PTPRD: variants seen among roughly 807,000 people sequenced by gnomAD.
PTPRD encodes the protein receptor-type tyrosine-protein phosphatase delta.
Under a neutral mutation model 214.5 loss-of-function variants are expected in PTPRD, and 34 were observed. That is an observed-to-expected ratio of 0.16 (90% CI 0.12 to 0.21). PTPRD has a LOEUF of 0.21. PTPRD is among the 10% of genes least tolerant of loss of function. PTPRD has a pLI of 1.00. For missense variants in PTPRD, 2,545 were observed against 2,398.7 expected (o/e 1.06, Z -1.27); for synonymous variants, 1,128 against 845.7 (o/e 1.33, Z -5.79).
At chr9:9,211,527 A>T (rs1001602497) in intron 9 of PTPRD, among the ~76,000 whole-genome samples, 1 of 108,648 alleles carries the variant, frequency 9.2e-6, no homozygotes, top group African/African-American at 2.9e-5. Context: ...ACACACACAC[A>T]CACACACACA....
chr9:8,775,742 G>C (rs928029316), intron 11 of PTPRD, among the ~76,000 whole-genome samples: 2 of 152,064 alleles, frequency 1.3e-5, no homozygotes, highest in African/African-American at 2.4e-5. Context: ...CCAGCACTTT[G>C]GGAGGCCAAG....
intron 35 of PTPRD, among the ~76,000 whole-genome samples, chr9:8,428,998 C>T (rs554920230): frequency 6.6e-6 from 1 of 152,268 alleles, no homozygotes; most frequent in African/African-American, 2.4e-5. Flanking sequence ...CGGAGAAATA[C>T]AATGTTTACT....
rs1555548856 is a variant in PTPRD at position 10,574,832 on chromosome 9, A to ATC, written c.-600+37564_-600+37565dup. ...TGTGTGCATATATATATATATATATATCTTAGATTCTCTTTCTTCCCCCCA... is the reference window on the plus strand; with the variant it reads ...TGTGTGCATATATATATATATATATATCTCTTAGATTCTCTTTCTTCCCCCCA... On this transcript the variant is annotated intron_variant, in intron 2 of 45. Coordinates refer to ENST00000381196, the MANE Select transcript of PTPRD (RefSeq NM_002839.4). 2.9e-3 allele frequency among the ~76,000 whole-genome samples: 427 copies of ATC among 148,718 alleles called. 1 individual carries two copies. Among genetic ancestry groups the ATC allele is most frequent in the African/African-American group, 9.1e-3 (368 of 40,390 alleles).
chr9:10,210,660 T>C (rs1454906637), intron 3 of PTPRD, among the ~76,000 whole-genome samples: 2 of 149,912 alleles, frequency 1.3e-5, no homozygotes, highest in Non-Finnish European at 3.0e-5. Flanking sequence ...TACACACATA[T>C]GTTTATATAT....
chr9:9,824,609 G>C (rs2052028686), intron 5 of PTPRD, among the ~76,000 whole-genome samples: 1 of 151,928 alleles, frequency 6.6e-6, no homozygotes, highest in African/African-American at 2.4e-5. Flanking sequence ...ATGAGACCTA[G>C]TCTTTCTTAC....
At chr9:9,500,880 T>C (rs180684014) in intron 8 of PTPRD, among the ~76,000 whole-genome samples, 1 of 152,170 alleles carries the variant, frequency 6.6e-6, no homozygotes, top group East Asian at 1.9e-4. Flanking sequence ...TAAATGGACT[T>C]ATTACTGTTT....
intron 10 of PTPRD, among the ~76,000 whole-genome samples, chr9:9,179,052 T>C (rs759009500): frequency 1.4e-4 from 22 of 152,076 alleles, no homozygotes; most frequent in Non-Finnish European, 2.5e-4. Context: ...AGTTAGAAGA[T>C]CTGGTTTATG....
chr9:10,154,033 G>A (rs576465642), intron 3 of PTPRD, among the ~76,000 whole-genome samples: 6 of 151,408 alleles, frequency 4.0e-5, no homozygotes, highest in African/African-American at 1.4e-4. Flanking sequence ...TGGTAGTTCT[G>A]TTTTGAGAAA....
rs903753297 is a variant in PTPRD, at chr9:8,867,216, T to C, written c.-103-133270A>G. Reference sequence around the variant, plus strand: ...TCCTTCTTTCTTCCTTCTCTCCTTTTGTTCTCCTCCCTTTCTTTCCTTCTC... The same window carrying C: ...TCCTTCTTTCTTCCTTCTCTCCTTTCGTTCTCCTCCCTTTCTTTCCTTCTC... On this transcript the variant is annotated intron_variant, in intron 11 of 45. Coordinates refer to ENST00000381196, the MANE Select transcript of PTPRD (RefSeq NM_002839.4). 2.0e-5 allele frequency among the ~76,000 whole-genome samples: 3 copies of C among 152,302 alleles called. No homozygotes were observed. The Middle Eastern group carries it at 0.01, about 518-fold the overall frequency.
intron 9 of PTPRD, among the ~76,000 whole-genome samples, chr9:9,310,161 C>T (rs1274061575): frequency 1.3e-5 from 2 of 152,082 alleles, no homozygotes; most frequent in Non-Finnish European, 2.9e-5. Flanking sequence ...TAGGTCGTTA[C>T]TGTTTTGGAT....
chr9:8,661,066 A>T (rs1202082042), intron 12 of PTPRD, among the ~76,000 whole-genome samples: 1 of 152,074 alleles, frequency 6.6e-6, no homozygotes, highest in Admixed American at 6.6e-5. Flanking sequence ...TCTCAAAATC[A>T]GACATTTTTC....
chr9:10,078,335 A>G, intron 3 of PTPRD, among the ~76,000 whole-genome samples: 1 of 132,452 alleles, frequency 7.5e-6, no homozygotes, highest in East Asian at 2.3e-4. Flanking sequence ...ACATGGTGAA[A>G]CCCCATCTCT....
At chr9:9,413,138 C>G (rs1481231748) in intron 8 of PTPRD, among the ~76,000 whole-genome samples, 4 of 77,604 alleles carry the variant, frequency 5.2e-5, no homozygotes, top group East Asian at 7.2e-4. Context: ...GACGGAGTCT[C>G]GCTCTGTCGC....
At chr9:9,474,447 AT>A (rs1210957050) in intron 8 of PTPRD, among the ~76,000 whole-genome samples, 1 of 152,008 alleles carries the variant, frequency 6.6e-6, no homozygotes, top group African/African-American at 2.4e-5. Flanking sequence ...TCCCATATAT[AT>A]TTTAGAATTT....
chr9:10,405,191 A>G (rs896299865), intron 2 of PTPRD, among the ~76,000 whole-genome samples: 1 of 151,736 alleles, frequency 6.6e-6, no homozygotes, highest in African/African-American at 2.4e-5. Flanking sequence ...GCTCTTAGAT[A>G]GATTCATGTC....
At chr9:9,941,615 G>C (rs1173321071) in intron 4 of PTPRD, among the ~76,000 whole-genome samples, 2 of 152,176 alleles carry the variant, frequency 1.3e-5, no homozygotes, top group Non-Finnish European at 2.9e-5. Context: ...GAGCCACTGA[G>C]CCCAGCCAAA....
chr9:9,837,671 G>T (rs2057167929), intron 5 of PTPRD, among the ~76,000 whole-genome samples: 1 of 152,104 alleles, frequency 6.6e-6, no homozygotes, highest in Non-Finnish European at 1.5e-5. Flanking sequence ...GTGACATGAG[G>T]GGAGTGGCTG....
intron 3 of PTPRD, among the ~76,000 whole-genome samples, chr9:10,185,182 T>C (rs540683623): frequency 1.3e-5 from 2 of 152,284 alleles, no homozygotes; most frequent in South Asian, 2.1e-4. Context: ...CTCTTTTCTA[T>C]ATGAGGTCCC....
chr9:10,200,261 A>G (rs2099414313), intron 3 of PTPRD, among the ~76,000 whole-genome samples: 1 of 152,082 alleles, frequency 6.6e-6, no homozygotes, highest in Non-Finnish European at 1.5e-5. Context: ...TCTGTTTCCC[A>G]TAGACTGATA....
Sources: gnomAD v4.1 joint callset for allele counts (sites outside exome capture counted in the v4.1 genomes callset) on GRCh38, gnomAD v4.1.1 for gene constraint, MANE v1.5 for transcripts, NCBI Gene and HGNC (gene_info 2026-07-23, HGNC 2026-07-21) for gene names.